The following SLC24A4 variants were observed in gnomAD, a reference collection of about 807,000 sequenced individuals.
SLC24A4 encodes solute carrier family 24 member 4.
In SLC24A4, 53 loss-of-function variants were observed where a neutral mutation model predicts 79.0. The ratio of observed to expected loss-of-function variants is 0.67; its 90% CI spans 0.54 to 0.84. SLC24A4 has a LOEUF of 0.84. Ranked by LOEUF, SLC24A4 falls within the 40% of genes least tolerant of loss-of-function variation. SLC24A4 has a pLI of 0.00. For synonymous variants in SLC24A4, 323 were observed against 323.8 expected (o/e 1.00, Z 0.03); for missense variants, 731 against 822.0 (o/e 0.89, Z 1.35).
chr14:92,440,098 G>T (rs914908542), intron 4 of SLC24A4, among the ~76,000 whole-genome samples: 1 of 152,210 alleles, frequency 6.6e-6, no homozygotes, highest in Non-Finnish European at 1.5e-5. Flanking sequence ...TTGCAGCTGG[G>T]AGGGTGGGTT....
chr14:92,479,316 C>T (rs2402151), intron 12 of SLC24A4, among the ~76,000 whole-genome samples: 138,404 of 152,216 alleles, frequency 0.91, 63,903 homozygotes, highest in Non-Finnish European at 0.99. Context: ...CAATCTTAAT[C>T]GTTAAGTATA....
intron 2 of SLC24A4, among the ~76,000 whole-genome samples, chr14:92,420,009 G>A (rs1399743840): frequency 6.6e-6 from 1 of 152,194 alleles, no homozygotes; most frequent in Non-Finnish European, 1.5e-5. Flanking sequence ...GGGAAGGCCA[G>A]ATAAAGACAG....
At position 92,341,631 on chromosome 14, in the gene SLC24A4, GAGA is replaced by G. The variant is rs533890820; in HGVS notation, c.241+15658_241+15660del. Among the ~76,000 whole-genome samples the G allele has an allele frequency of 2.3e-3, 353 of 152,328 alleles. 2 individuals carry two copies. The highest frequency in any genetic ancestry group is 7.9e-3 in the African/African-American group (327 of 41,568). On this transcript the variant is annotated intron_variant, in intron 2 of 16. Transcript: ENST00000532405. Reference sequence around the variant, plus strand: ...CCACCTGGGGCATTGTCAGACCTGGGAGAAGAACCGTCGACGGGCAGCTTGCCT... The same window carrying G: ...CCACCTGGGGCATTGTCAGACCTGGGAGAACCGTCGACGGGCAGCTTGCCT...
chr14:92,364,488 A>C (rs1336766537), intron 2 of SLC24A4, among the ~76,000 whole-genome samples: 1 of 152,194 alleles, frequency 6.6e-6, no homozygotes, highest in Non-Finnish European at 1.5e-5. Flanking sequence ...CAGATGAAAC[A>C]GGTGTATTCA....
chr14:92,329,657 G>C (rs1410611746), intron 2 of SLC24A4, among the ~76,000 whole-genome samples: 1 of 152,156 alleles, frequency 6.6e-6, no homozygotes, highest in Non-Finnish European at 1.5e-5. Flanking sequence ...CGAGTAGCTG[G>C]GACCACAGGC....
At chr14:92,474,742 TATATAC>T in intron 12 of SLC24A4, among the ~76,000 whole-genome samples, 1 of 66,110 alleles carries the variant, frequency 1.5e-5, no homozygotes, top group East Asian at 3.1e-4. Flanking sequence ...TATATACGTA[TATATAC>T]GTGTGTGTAT....
chr14:92,338,459 C>T (rs1566695141), intron 2 of SLC24A4, among the ~76,000 whole-genome samples: 2 of 152,164 alleles, frequency 1.3e-5, no homozygotes, highest in African/African-American at 2.4e-5. Context: ...AAATCATGAA[C>T]AGGATTTGGT....
chr14:92,382,124 A>G (rs1394585742), intron 2 of SLC24A4, among the ~76,000 whole-genome samples: 1 of 152,134 alleles, frequency 6.6e-6, no homozygotes, highest in African/African-American at 2.4e-5. Flanking sequence ...ACACACACAT[A>G]AATCTATACA....
intron 2 of SLC24A4, among the ~76,000 whole-genome samples, chr14:92,382,902 T>A (rs1275979333): frequency 6.6e-6 from 1 of 152,196 alleles, no homozygotes; most frequent in Non-Finnish European, 1.5e-5. Context: ...GTTCTTATTG[T>A]GGTATAAAGA....
In SLC24A4 at chr14:92,456,525, A is replaced by G; in HGVS notation, c.1172A>G (p.Gln391Arg). 1.2e-6 allele frequency: 2 copies of G among 1,614,048 alleles called. No individual in the cohort carries two copies. The highest frequency in any genetic ancestry group is 1.7e-6 in the Non-Finnish European group (2 of 1,180,012). Residue 391 changes from glutamine (Q) to arginine (R), a missense_variant, in exon 12 of 17, where the codon CAG (glutamine) becomes CGG (arginine). Transcript: ENST00000532405. ...VENPEDPQQN[Q>R]EQQPPPQPPP... Reference sequence around the variant, plus strand: ...AACCCCGAAGACCCTCAGCAGAATCAGGAGCAGCAGCCGCCGCCACAGCCA... The same window carrying G: ...AACCCCGAAGACCCTCAGCAGAATCGGGAGCAGCAGCCGCCGCCACAGCCA...
intron 2 of SLC24A4, among the ~76,000 whole-genome samples, chr14:92,365,195 C>T (rs1887759305): frequency 2.0e-5 from 3 of 152,254 alleles, no homozygotes; most frequent in East Asian, 1.9e-4. Flanking sequence ...GACTGTGTGC[C>T]GTCGTTGGCT....
At chr14:92,438,722 C>A (rs187398235) in intron 3 of SLC24A4, among the ~76,000 whole-genome samples, 3 of 152,284 alleles carry the variant, frequency 2.0e-5, no homozygotes, top group Admixed American at 2.0e-4. Context: ...CAGGAGCCTC[C>A]ATGTGTTCAG....
chr14:92,365,329 ACGG>A (rs1887767823), intron 2 of SLC24A4, among the ~76,000 whole-genome samples: 1 of 152,220 alleles, frequency 6.6e-6, no homozygotes, highest in Non-Finnish European at 1.5e-5. Flanking sequence ...CTCTTAAAAC[ACGG>A]CCATTCCAAG....
In SLC24A4 at chr14:92,323,938, G is replaced by A. The variant is rs149248445; in HGVS notation, c.108G>A (p.Ala36=). 810 of 1,611,396 alleles carry A rather than the reference G, an allele frequency of 5.0e-4. 2 individuals are homozygous for A. The African/African-American group carries it at 9.5e-3, about 19-fold the overall frequency. The change falls in exon 1 of 17, where the codon GCG becomes GCA. Residue 36 remains alanine (A), a synonymous_variant. Transcript: ENST00000532405. This position sits in a 1 kb window ranked among gnomAD's most constrained non-coding sequence, Gnocchi z 4.9. The part of the protein sequence containing the change: ...VCAVLALVCC[A]SGLFGSLGHK... ...CGGTGCTGGCCCTGGTGTGCTGTGC[G>A]TCCGGCCTCTTCGGCAGCTTGGGTG...
intron 2 of SLC24A4, among the ~76,000 whole-genome samples, chr14:92,409,430 C>T (rs1411096834): frequency 6.6e-6 from 1 of 152,202 alleles, no homozygotes. Context: ...AGTGTTATTT[C>T]CATTTGGAGC....
chr14:92,434,836 C>T (rs570996972), intron 3 of SLC24A4, among the ~76,000 whole-genome samples: 10 of 152,158 alleles, frequency 6.6e-5, no homozygotes, highest in South Asian at 2.1e-4. Flanking sequence ...TACAGTGGCG[C>T]GATCTTGGCT....
intron 12 of SLC24A4, among the ~76,000 whole-genome samples, chr14:92,472,134 A>T (rs1894470227): frequency 6.6e-6 from 1 of 152,074 alleles, no homozygotes; most frequent in Non-Finnish European, 1.5e-5. Context: ...TGCTTCCTCC[A>T]TCTGGCTCTT....
chr14:92,397,498 C>G (rs190163822), intron 2 of SLC24A4, among the ~76,000 whole-genome samples: 5 of 152,316 alleles, frequency 3.3e-5, no homozygotes, highest in African/African-American at 4.8e-5. Flanking sequence ...GAGGAAGGAG[C>G]TTTTTGCATG....
intron 2 of SLC24A4, among the ~76,000 whole-genome samples, chr14:92,419,564 G>T (rs978064628): frequency 1.3e-5 from 2 of 152,166 alleles, no homozygotes; most frequent in Non-Finnish European, 2.9e-5. Flanking sequence ...CCAGGTCCTT[G>T]TACTCCTAAT....
Sources: gnomAD v4.1 joint callset for allele counts (sites outside exome capture counted in the v4.1 genomes callset) on GRCh38, gnomAD v4.1.1 for gene constraint, Gnocchi (gnomAD v3.1) non-coding constraint, MANE v1.5 for transcripts, NCBI Gene and HGNC (gene_info 2026-07-23, HGNC 2026-07-21) for gene names.